The following MYRIP variants were observed in gnomAD, a reference collection of about 807,000 sequenced individuals.
MYRIP encodes rab effector MyRIP.
A neutral mutation model predicts 98.0 loss-of-function variants in MYRIP; 49 were observed. The ratio of observed to expected loss-of-function variants is 0.50; its 90% CI spans 0.40 to 0.63. The LOEUF is 0.63. Among genes scored for constraint, MYRIP ranks in the 30% least tolerant of loss-of-function variants. The pLI is 0.00. For synonymous variants in MYRIP, 404 were observed against 409.5 expected, an observed-to-expected ratio of 0.99 and a Z score of 0.16; for missense variants, 1,004 against 1,058.2, an observed-to-expected ratio of 0.95 and a Z score of 0.71.
intron 11 of MYRIP, among the ~76,000 whole-genome samples, 193 bp from the exon 12 acceptor site, chr3:40,233,666 C>T (rs986590516): frequency 3.9e-5 from 6 of 152,190 alleles, no homozygotes; most frequent in Non-Finnish European, 8.8e-5. Flanking sequence ...TAGGCAAAGT[C>T]AAATCAGGCC....
chr3:39,825,403 G>A (rs530816163), intron 1 of MYRIP, among the ~76,000 whole-genome samples: 5 of 152,122 alleles, frequency 3.3e-5, no homozygotes, highest in East Asian at 3.9e-4. Context: ...TATCATGAAG[G>A]GATGTTGGAT....
intron 2 of MYRIP, among the ~76,000 whole-genome samples, chr3:40,014,632 G>C (rs188194733): frequency 6.6e-6 from 1 of 152,216 alleles, no homozygotes; most frequent in African/African-American, 2.4e-5. Flanking sequence ...CACTCTTCCT[G>C]TACTTCCTAT....
chr3:40,250,327 G>GTGTGTT lies in MYRIP; in HGVS notation c.2367+5_2367+10dup. 6.2e-7 allele frequency: 1 copy of GTGTGTT among 1,613,666 alleles called. No homozygotes were observed. The highest frequency in any genetic ancestry group is 2.2e-5 in the East Asian group (1 of 44,880). ...ACGGGATCAGAAGCAAAGGACCCAG[G>GTGTGTT]TGTGTTTGTCCCTTTCTCCCTCTGT... On this transcript the variant is annotated splice_donor_variant, in intron 14 of 16. Coordinates refer to ENST00000302541, the MANE Select transcript of MYRIP (RefSeq NM_015460.4). LOFTEE classifies it high-confidence loss of function.
At chr3:39,824,470 A>G (rs1191017590) in intron 1 of MYRIP, among the ~76,000 whole-genome samples, 2 of 152,124 alleles carry the variant, frequency 1.3e-5, no homozygotes, top group Non-Finnish European at 1.5e-5. Flanking sequence ...AATTATATTC[A>G]TTATTTTGAA....
At chr3:40,137,782 T>C (rs1160541034) in intron 3 of MYRIP, among the ~76,000 whole-genome samples, 1 of 152,068 alleles carries the variant, frequency 6.6e-6, no homozygotes, top group Non-Finnish European at 1.5e-5. Context: ...GCTCAGTATA[T>C]ATGAGATGAA....
At chr3:39,935,679 T>C (rs1256877036) in intron 2 of MYRIP, among the ~76,000 whole-genome samples, 1 of 152,156 alleles carries the variant, frequency 6.6e-6, no homozygotes, top group African/African-American at 2.4e-5. Flanking sequence ...GTGAGCAATA[T>C]GCTTTACAGT....
At chr3:40,226,836 T>G (rs1039365977) in intron 11 of MYRIP, among the ~76,000 whole-genome samples, 1 of 152,152 alleles carries the variant, frequency 6.6e-6, no homozygotes, top group African/African-American at 2.4e-5. Context: ...TGGCACCTCG[T>G]TGCCAGCAGT....
intron 8 of MYRIP, among the ~76,000 whole-genome samples, chr3:40,181,606 C>G (rs1559438115): frequency 6.6e-6 from 1 of 152,118 alleles, no homozygotes; most frequent in Non-Finnish European, 1.5e-5. Context: ...AAACTTTAGT[C>G]TCTTTCTATT....
At position 40,200,363 on chromosome 3, in the gene MYRIP, G is replaced by A. The variant is rs967261794; in HGVS notation, c.1666-9491G>A. On this transcript the variant is annotated intron_variant, in intron 10 of 16. Coordinates refer to ENST00000302541, the MANE Select transcript of MYRIP (RefSeq NM_015460.4). Reference sequence around the variant, plus strand: ...AGTCCTCTTGGGCCACATGGGGCACGGGTTGAATAAGCTTGCTCTAGGTCT... The same window carrying A: ...AGTCCTCTTGGGCCACATGGGGCACAGGTTGAATAAGCTTGCTCTAGGTCT... Among the ~76,000 whole-genome samples, 7 of 152,138 alleles carry A rather than the reference G, an allele frequency of 4.6e-5. No homozygotes were observed. The South Asian group carries it at 1.5e-3, about 32-fold the overall frequency.
chr3:40,168,290 G>A (rs1049854526), intron 7 of MYRIP, among the ~76,000 whole-genome samples: 4 of 152,290 alleles, frequency 2.6e-5, no homozygotes, highest in East Asian at 1.9e-4. Context: ...GATAGTAACC[G>A]CATCCTAAGT....
intron 1 of MYRIP, among the ~76,000 whole-genome samples, chr3:39,843,111 A>T (rs748457612): frequency 3.9e-5 from 6 of 152,312 alleles, no homozygotes; most frequent in Non-Finnish European, 7.3e-5. Flanking sequence ...CCCTCCTTCC[A>T]TGGAGGCTTC....
intron 2 of MYRIP, among the ~76,000 whole-genome samples, chr3:40,006,907 C>T: frequency 6.6e-6 from 1 of 152,086 alleles, no homozygotes. Context: ...GTTGCCCTGG[C>T]TGGGGTGCAG....
rs79659877 is a variant in MYRIP, at chr3:40,183,763, C to T, written c.1027+1390C>T. ...CATCCCATGTCGTATCAGATTTAGA[C>T]CCCTTTCCTGAATAATGAAAACAAC... On this transcript the variant is annotated intron_variant, in intron 9 of 16. Transcript: ENST00000302541. Among the ~76,000 whole-genome samples the T allele has an allele frequency of 7.4e-3, 1,120 of 152,298 alleles. 6 individuals are homozygous for T. Among genetic ancestry groups the T allele is most frequent in the Non-Finnish European group, 0.013 (887 of 68,026 alleles).
chr3:40,140,454 T>TCTC (rs1376017433), intron 3 of MYRIP, among the ~76,000 whole-genome samples: 1 of 152,242 alleles, frequency 6.6e-6, no homozygotes. Flanking sequence ...GGTATAATGA[T>TCTC]TTCCTTTCAT....
rs1951172891 is a variant in MYRIP, at chr3:40,190,431, A to G, written c.1633A>G (p.Ser545Gly). ...EEPSKEPSSP[S>G]AQLRDLDTHQ... is the part of the protein sequence containing the mutation. ...GCCAAGCAAAGAACCATCTTCCCCC[A>G]GCGCCCAGCTCCGGGATCTAGACAC... Residue 545 changes from serine (S) to glycine (G), a missense_variant, in exon 10 of 17, where the codon AGC (serine) becomes GGC (glycine). Physicochemically the swap from Ser to Gly is moderately conservative, Grantham distance 56. Around this residue, in one of 3 missense-constraint regions of MYRIP, gnomAD observed 880 missense variants for 907.7 expected, o/e 0.97. Transcript: ENST00000302541. 1.2e-6 allele frequency: 2 copies of G among 1,604,892 alleles called. No homozygotes were observed. The highest frequency in any genetic ancestry group is 1.7e-5 in the Admixed American group (1 of 58,664).
intron 3 of MYRIP, among the ~76,000 whole-genome samples, chr3:40,122,350 A>C (rs893677951): frequency 5.3e-5 from 8 of 151,714 alleles, no homozygotes; most frequent in Non-Finnish European, 1.0e-4. Flanking sequence ...TTTACATGTG[A>C]AATGAAAATA....
At chr3:40,114,945 T>A (rs1198135197) in intron 3 of MYRIP, among the ~76,000 whole-genome samples, 1 of 152,224 alleles carries the variant, frequency 6.6e-6, no homozygotes. Flanking sequence ...ATATTGTTTG[T>A]AATAACAAAA....
intron 1 of MYRIP, among the ~76,000 whole-genome samples, chr3:39,841,834 A>G (rs9821533): frequency 0.64 from 97,801 of 152,018 alleles, 31,837 homozygotes; most frequent in African/African-American, 0.73. Context: ...TGGAAGCTTC[A>G]ACCTAGAGGG....
At chr3:39,919,552 C>G (rs892881464) in intron 2 of MYRIP, among the ~76,000 whole-genome samples, 6 of 152,196 alleles carry the variant, frequency 3.9e-5, no homozygotes, top group Admixed American at 6.5e-5. Context: ...GTTGGCCCCT[C>G]TGGTACCAGT....
Sources: allele counts gnomAD v4.1 joint callset (sites outside exome capture counted in the v4.1 genomes callset), GRCh38; gene constraint gnomAD v4.1.1; regional missense constraint gnomAD v4.1.1; transcripts MANE v1.5; gene names NCBI Gene and HGNC (gene_info 2026-07-23, HGNC 2026-07-21).